The following PLCL1 variants were observed in gnomAD, a reference collection of about 807,000 sequenced individuals.
PLCL1 encodes inactive phospholipase C-like protein 1.
PLCL1 carries 41 observed loss-of-function variants against 84.4 expected under a neutral mutation model. The observed-to-expected ratio is 0.49, with a 90% CI of 0.38 to 0.63. The LOEUF is 0.63. Among genes scored for constraint, PLCL1 ranks in the 30% least tolerant of loss-of-function variants. PLCL1 has a pLI of 0.00. For synonymous variants in PLCL1, 490 were observed against 488.3 expected, an observed-to-expected ratio of 1.00 and a Z score of -0.05; for missense variants, 1,206 against 1,367.8, an observed-to-expected ratio of 0.88 and a Z score of 1.87.
At chr2:198,102,203 C>T in intron 4 of PLCL1, among the ~76,000 whole-genome samples, 1 of 151,976 alleles carries the variant, frequency 6.6e-6, no homozygotes. Flanking sequence ...ACAGGAAGCA[C>T]AAAAATAATA....
chr2:197,935,547 A>T (rs1303139620), intron 1 of PLCL1, among the ~76,000 whole-genome samples: 1 of 152,144 alleles, frequency 6.6e-6, no homozygotes, highest in Non-Finnish European at 1.5e-5. Flanking sequence ...CTCACTTATA[A>T]GTGGGAACTG....
chr2:198,034,841 C>T (rs969383436), intron 1 of PLCL1, among the ~76,000 whole-genome samples: 3 of 152,072 alleles, frequency 2.0e-5, no homozygotes, highest in African/African-American at 4.8e-5. Context: ...ATCAGTTCTT[C>T]GGTATTTCGT....
At chr2:197,988,190 G>T (rs1690258856) in intron 1 of PLCL1, among the ~76,000 whole-genome samples, 1 of 152,142 alleles carries the variant, frequency 6.6e-6, no homozygotes, top group Non-Finnish European at 1.5e-5. Context: ...TGATAAGAAG[G>T]GGTGTCAGAT....
chr2:198,074,086 A>G (rs932867577), intron 1 of PLCL1, among the ~76,000 whole-genome samples: 4 of 152,198 alleles, frequency 2.6e-5, no homozygotes, highest in Admixed American at 2.6e-4. Context: ...TTTCTAAGAA[A>G]TACCACTAGT....
At chr2:198,106,681 A>G (rs1265025062) in intron 5 of PLCL1, among the ~76,000 whole-genome samples, 1 of 151,926 alleles carries the variant, frequency 6.6e-6, no homozygotes, top group African/African-American at 2.4e-5. Flanking sequence ...AGAGACAGAC[A>G]TGTAACTAAT....
At chr2:198,021,871 C>T (rs532276814) in intron 1 of PLCL1, among the ~76,000 whole-genome samples, 246 of 152,212 alleles carry the variant, frequency 1.6e-3, no homozygotes, top group Middle Eastern at 3.4e-3. Context: ...TAGAAAAAGA[C>T]GGACTCCTTC....
intron 5 of PLCL1, among the ~76,000 whole-genome samples, chr2:198,134,045 T>A (rs1466894882): frequency 6.6e-6 from 1 of 152,158 alleles, no homozygotes; most frequent in Non-Finnish European, 1.5e-5. Context: ...GATAGGTAAG[T>A]TGATCAAGCC....
intron 1 of PLCL1, among the ~76,000 whole-genome samples, chr2:198,083,272 T>G (rs1692766913): frequency 6.6e-6 from 1 of 152,204 alleles, no homozygotes; most frequent in African/African-American, 2.4e-5. Flanking sequence ...AAAACGTGAT[T>G]TCTAGTTAAG....
chr2:198,058,174 CA>C (rs1476871789), intron 1 of PLCL1, among the ~76,000 whole-genome samples: 1 of 151,960 alleles, frequency 6.6e-6, no homozygotes, highest in African/African-American at 2.4e-5. Flanking sequence ...AGATATTTGC[CA>C]AAATATTAAT....
chr2:198,089,539 A>G (rs1692968180), intron 3 of PLCL1, among the ~76,000 whole-genome samples: 1 of 152,176 alleles, frequency 6.6e-6, no homozygotes, highest in Admixed American at 6.5e-5. Flanking sequence ...CTGCATTCCA[A>G]CCATCAGGAG....
At chr2:198,105,628 G>GTGTGTGT (rs935965756) in intron 5 of PLCL1, among the ~76,000 whole-genome samples, 10 of 151,564 alleles carry the variant, frequency 6.6e-5, no homozygotes, top group Admixed American at 5.9e-4. Context: ...GTGTGTGTGT[G>GTGTGTGT]TGTGTGTGTG....
intron 5 of PLCL1, among the ~76,000 whole-genome samples, chr2:198,112,820 C>G (rs1693653425): frequency 1.3e-5 from 2 of 151,796 alleles, no homozygotes. Flanking sequence ...CCAGTGGCAG[C>G]CAGTTTAGTC....
intron 1 of PLCL1, among the ~76,000 whole-genome samples, chr2:197,953,811 C>A (rs1315272413): frequency 1.3e-5 from 2 of 150,666 alleles, no homozygotes; most frequent in African/African-American, 4.9e-5. Flanking sequence ...TTTTTGTTAT[C>A]TTTTCTAAGT....
intron 1 of PLCL1, among the ~76,000 whole-genome samples, chr2:197,906,024 C>G (rs1262598054): frequency 6.6e-6 from 1 of 152,122 alleles, no homozygotes; most frequent in African/African-American, 2.4e-5. Context: ...GTAGCCTGTT[C>G]ACTCTGATGA....
intron 3 of PLCL1, among the ~76,000 whole-genome samples, 179 bp downstream of exon 3, chr2:198,089,240 G>A (rs1432908463): frequency 6.6e-6 from 1 of 152,156 alleles, no homozygotes; most frequent in African/African-American, 2.4e-5. Context: ...GGAAAACTCT[G>A]AGAAAATGAC....
intron 1 of PLCL1, among the ~76,000 whole-genome samples, chr2:197,912,047 G>A (rs1688493386): frequency 6.6e-6 from 1 of 152,140 alleles, no homozygotes; most frequent in South Asian, 2.1e-4. Flanking sequence ...CACAGCATTG[G>A]ACACTTCCAC....
intron 1 of PLCL1, among the ~76,000 whole-genome samples, chr2:197,947,213 G>A (rs1312506649): frequency 6.9e-6 from 1 of 145,930 alleles, no homozygotes; most frequent in African/African-American, 2.6e-5. Flanking sequence ...GTAATAAAGA[G>A]TAAAGGGTAG....
At chr2:197,936,529 C>T (rs560445925) in intron 1 of PLCL1, among the ~76,000 whole-genome samples, 2 of 152,156 alleles carry the variant, frequency 1.3e-5, no homozygotes, top group African/African-American at 4.8e-5. Context: ...TTCATATACC[C>T]GTTGGCCATT....
intron 1 of PLCL1, among the ~76,000 whole-genome samples, chr2:197,901,545 T>C (rs1455319765): frequency 6.6e-6 from 1 of 152,114 alleles, no homozygotes; most frequent in Non-Finnish European, 1.5e-5. Context: ...TGGGTCACGT[T>C]CAGGCAACAG....
Sources: allele counts gnomAD v4.1 joint callset (sites outside exome capture counted in the v4.1 genomes callset), GRCh38; gene constraint gnomAD v4.1.1; transcripts MANE v1.5; gene names NCBI Gene and HGNC (gene_info 2026-07-23, HGNC 2026-07-21).